Variants in DLG2 observed in about 807,000 individuals in gnomAD.
DLG2 encodes the protein disks large homolog 2.
A neutral mutation model predicts 132.5 loss-of-function variants in DLG2; 45 were observed. The ratio of observed to expected loss-of-function variants is 0.34; its 90% CI spans 0.27 to 0.44. The LOEUF is 0.44. Ranked by LOEUF, DLG2 falls within the 20% of genes least tolerant of loss-of-function variation. The probability of loss-of-function intolerance (pLI) is 1.00; values close to 1 mark genes in which losing one functional copy is unlikely to be tolerated. For synonymous variants in DLG2, 424 were observed against 419.6 expected (o/e 1.01, Z -0.13); for missense variants, 1,045 against 1,196.9 (o/e 0.87, Z 1.87).
At chr11:84,267,504 C>T (rs1286463410) in intron 7 of DLG2, among the ~76,000 whole-genome samples, 1 of 152,162 alleles carries the variant, frequency 6.6e-6, no homozygotes, top group Non-Finnish European at 1.5e-5. Context: ...CTAACTGGCC[C>T]CTATCTTAAA....
chr11:85,148,533 T>C (rs984831287), intron 5 of DLG2, among the ~76,000 whole-genome samples: 1 of 152,240 alleles, frequency 6.6e-6, no homozygotes, highest in African/African-American at 2.4e-5. Flanking sequence ...ATATGTTTGT[T>C]GGCTGCATAA....
intron 22 of DLG2, chr11:83,480,369 T>TA (rs1318368114): frequency 3.3e-6 from 5 of 1,534,824 alleles, no homozygotes; most frequent in South Asian, 1.2e-5. Flanking sequence ...AGCAGTAACT[T>TA]ACGGTAGCTA....
At chr11:85,025,171 T>C (rs1242285443) in intron 6 of DLG2, among the ~76,000 whole-genome samples, 1 of 152,202 alleles carries the variant, frequency 6.6e-6, no homozygotes, top group African/African-American at 2.4e-5. Flanking sequence ...AGAACACAGA[T>C]ACATACACTC....
chr11:84,201,539 A>G (rs931950930), intron 8 of DLG2, among the ~76,000 whole-genome samples: 1 of 147,140 alleles, frequency 6.8e-6, no homozygotes, highest in Non-Finnish European at 1.5e-5. Flanking sequence ...TCTTCCTTGG[A>G]CCTCTGGTAG....
intron 6 of DLG2, among the ~76,000 whole-genome samples, chr11:84,676,169 A>AAT (rs951162174): frequency 1.1e-4 from 17 of 152,036 alleles, no homozygotes; most frequent in African/African-American, 3.6e-4. Context: ...CATAACAAAT[A>AAT]ATATATATAT....
intron 4 of DLG2, among the ~76,000 whole-genome samples, chr11:85,210,203 C>T (rs1179064422): frequency 2.0e-5 from 3 of 152,070 alleles, no homozygotes; most frequent in East Asian, 1.9e-4. Flanking sequence ...TTCAATATTC[C>T]AAGTACCTAG....
At chr11:85,254,464 A>T (rs922130922) in intron 4 of DLG2, among the ~76,000 whole-genome samples, 3 of 152,154 alleles carry the variant, frequency 2.0e-5, no homozygotes, top group African/African-American at 7.2e-5. Flanking sequence ...TTGCTTTTTC[A>T]TTCTGTTTTT....
At chr11:84,254,999 C>CAG (rs1489865753) in intron 7 of DLG2, among the ~76,000 whole-genome samples, 4 of 152,138 alleles carry the variant, frequency 2.6e-5, no homozygotes, top group African/African-American at 9.7e-5. Flanking sequence ...GACACACTAC[C>CAG]CCACTGTGCT....
chr11:84,291,995 C>A (rs1299164487), intron 7 of DLG2, among the ~76,000 whole-genome samples: 18 of 152,060 alleles, frequency 1.2e-4, no homozygotes, highest in Non-Finnish European at 1.0e-4. Flanking sequence ...TACTGCCCTG[C>A]CTTTAAGGAT....
chr11:84,174,294 C>A (rs2095895070), intron 8 of DLG2, among the ~76,000 whole-genome samples: 1 of 151,964 alleles, frequency 6.6e-6, no homozygotes, highest in Non-Finnish European at 1.5e-5. Context: ...CAACATCAAT[C>A]TATTCTTCAT....
At position 83,734,839 on chromosome 11, in the gene DLG2, TTTAA is replaced by T. The variant is rs1437257990; in HGVS notation, c.1825+51847_1825+51850del. On this transcript the variant is annotated intron_variant, in intron 18 of 27. Coordinates refer to ENST00000376104, the MANE Select transcript of DLG2 (RefSeq NM_001142699.3). The stretch of plus-strand genomic sequence containing the variant: ...TTTCATGAAACATTTATGTCAATTG[TTTAA>T]TTATGTGTGCCTATGTATCGTTATA... Among the ~76,000 whole-genome samples, 3 of 152,160 alleles carry T rather than the reference TTTAA, an allele frequency of 2.0e-5. 1 individual carries two copies. Among genetic ancestry groups the T allele is most frequent in the African/African-American group, 7.2e-5 (3 of 41,532 alleles).
intron 6 of DLG2, among the ~76,000 whole-genome samples, chr11:84,789,799 A>C (rs967665251): frequency 6.6e-6 from 1 of 152,228 alleles, no homozygotes; most frequent in South Asian, 2.1e-4. Flanking sequence ...CAATTGTTTT[A>C]ATTTTTAGCT....
At chr11:84,368,005 C>T (rs758051002) in intron 7 of DLG2, among the ~76,000 whole-genome samples, 25 of 152,172 alleles carry the variant, frequency 1.6e-4, no homozygotes, top group Middle Eastern at 3.4e-3. Context: ...CTAGTTAATG[C>T]AAATAGAAAA....
chr11:85,289,029 A>T (rs2078731017), intron 3 of DLG2, among the ~76,000 whole-genome samples: 1 of 152,082 alleles, frequency 6.6e-6, no homozygotes, highest in Admixed American at 6.6e-5. Context: ...ACAAATCTTC[A>T]TTAATTTATA....
chr11:84,503,752 T>A (rs956673129), intron 7 of DLG2, among the ~76,000 whole-genome samples: 3 of 152,210 alleles, frequency 2.0e-5, no homozygotes, highest in Admixed American at 6.5e-5. Flanking sequence ...AGAATTTTAA[T>A]AAAAACCCAG....
At chr11:84,180,648 G>T (rs1030137996) in intron 8 of DLG2, among the ~76,000 whole-genome samples, 3 of 152,058 alleles carry the variant, frequency 2.0e-5, no homozygotes, top group Non-Finnish European at 2.9e-5. Flanking sequence ...GAAAATCAAG[G>T]ATTTTTTTAA....
intron 6 of DLG2, among the ~76,000 whole-genome samples, chr11:84,859,511 A>C (rs951183621): frequency 6.7e-6 from 1 of 149,076 alleles, no homozygotes; most frequent in Admixed American, 6.8e-5. Flanking sequence ...ATCTAAACTT[A>C]TATTGAAAAA....
At chr11:84,072,100 C>T (rs2096766520) in intron 10 of DLG2, among the ~76,000 whole-genome samples, 1 of 152,214 alleles carries the variant, frequency 6.6e-6, no homozygotes, top group East Asian at 1.9e-4. Context: ...TTTTCTAATT[C>T]ACATAAAAAC....
chr11:85,055,540 T>C (rs11822067), intron 6 of DLG2, among the ~76,000 whole-genome samples: 5,350 of 152,204 alleles, frequency 0.035, 131 homozygotes, highest in African/African-American at 0.057. Flanking sequence ...CTTTTGGCAG[T>C]CTCAATGGAC....
Sources: gnomAD v4.1 joint callset for allele counts (sites outside exome capture counted in the v4.1 genomes callset) on GRCh38, gnomAD v4.1.1 for gene constraint, MANE v1.5 for transcripts, NCBI Gene and HGNC (gene_info 2026-07-23, HGNC 2026-07-21) for gene names.